EDAR: variants seen among roughly 807,000 people sequenced by gnomAD.
The protein encoded by EDAR is tumor necrosis factor receptor superfamily member EDAR.
Under a neutral mutation model 51.3 loss-of-function variants are expected in EDAR, and 38 were observed. That is an observed-to-expected ratio of 0.74 (90% CI 0.57 to 0.97). The LOEUF (loss-of-function observed/expected upper bound fraction) is 0.97. Ranked by LOEUF, EDAR falls within the 50% of genes least tolerant of loss-of-function variation. The pLI is 0.00. For missense variants in EDAR, 528 were observed against 595.0 expected (o/e 0.89, Z 1.17); for synonymous variants, 227 against 242.1 (o/e 0.94, Z 0.58).
intron 1 of EDAR, among the ~76,000 whole-genome samples, chr2:108,959,288 G>A (rs775340884): frequency 3.9e-5 from 6 of 152,190 alleles, no homozygotes; most frequent in Non-Finnish European, 7.3e-5. Context: ...TGCGATCTGG[G>A]AACTCTTACA....
intron 5 of EDAR, among the ~76,000 whole-genome samples, chr2:108,914,932 A>G (rs1183288749): frequency 1.3e-5 from 2 of 152,212 alleles, no homozygotes; most frequent in Non-Finnish European, 2.9e-5. Flanking sequence ...GTTTTGTTTG[A>G]GACAAGGTCT....
intron 5 of EDAR, among the ~76,000 whole-genome samples, chr2:108,920,101 GC>G (rs549664629): frequency 6.4e-4 from 98 of 152,330 alleles, no homozygotes; most frequent in African/African-American, 2.3e-3. Flanking sequence ...CCTTCTGTGT[GC>G]TGTCCACACC....
chr2:108,928,016 G>GC (rs1179662234), intron 4 of EDAR, among the ~76,000 whole-genome samples: 3 of 152,024 alleles, frequency 2.0e-5, no homozygotes, highest in Non-Finnish European at 4.4e-5. Flanking sequence ...CCCTCTCCCT[G>GC]CCCACAGCAT....
rs1047715256 is a variant in EDAR at position 108,912,672 on chromosome 2, C to A, written c.529+6G>T. ...CAGGTGATCGATACCTGAGCACCCTCCTCACCTTTGTGGGCGTGCTGGAAG... is the reference window on the plus strand; with the variant it reads ...CAGGTGATCGATACCTGAGCACCCTACTCACCTTTGTGGGCGTGCTGGAAG... On this transcript the variant is annotated splice_donor_region_variant and intron_variant, in intron 6 of 11. Coordinates refer to ENST00000258443, the MANE Select transcript of EDAR (RefSeq NM_022336.4). 7 of 1,583,800 alleles carry A rather than the reference C, an allele frequency of 4.4e-6. No homozygotes were observed. Among genetic ancestry groups the A allele is most frequent in the Non-Finnish European group, 6.0e-6 (7 of 1,164,648 alleles).
At chr2:108,954,735 G>C (rs541382614) in intron 1 of EDAR, among the ~76,000 whole-genome samples, 70 of 152,022 alleles carry the variant, frequency 4.6e-4, no homozygotes, top group African/African-American at 1.6e-3. Context: ...GAGTGCAATG[G>C]CGTGATCTCG....
chr2:108,934,931 G>A (rs1295995792), intron 1 of EDAR, among the ~76,000 whole-genome samples: 2 of 152,338 alleles, frequency 1.3e-5, no homozygotes, highest in East Asian at 3.9e-4. Context: ...CTTAACTTGT[G>A]GAACTAACCA....
chr2:108,979,940 C>T (rs1166178236), intron 1 of EDAR, among the ~76,000 whole-genome samples: 5 of 152,076 alleles, frequency 3.3e-5, no homozygotes, highest in East Asian at 1.9e-4. Context: ...CTCTATTATC[C>T]TGGCTGAGAT....
intron 1 of EDAR, among the ~76,000 whole-genome samples, chr2:108,980,066 C>T (rs537727717): frequency 1.3e-5 from 2 of 148,636 alleles, no homozygotes; most frequent in African/African-American, 2.5e-5. Context: ...CTTAACAGAT[C>T]GCCCATCGTC....
In EDAR at chr2:108,950,692, C is replaced by T. The variant is rs1697809916; in HGVS notation, c.-18-19660G>A. Among the ~76,000 whole-genome samples the T allele has an allele frequency of 2.0e-5, 3 of 152,256 alleles. No homozygotes were observed. The South Asian group carries it at 6.2e-4, about 31-fold the overall frequency. ...GAGCTGCCCTCAGCCTTCTCCACAT[C>T]CCTGCCCTTGCTCCCTTCATGAGTC... On this transcript the variant is annotated intron_variant, in intron 1 of 11. Transcript: ENST00000258443.
intron 5 of EDAR, among the ~76,000 whole-genome samples, chr2:108,918,956 C>T (rs907088455): frequency 2.6e-5 from 4 of 152,304 alleles, no homozygotes; most frequent in Admixed American, 6.5e-5. Flanking sequence ...TGGGCAGACT[C>T]GCAGAGACTC....
chr2:108,923,204 C>T (rs1558809929), intron 5 of EDAR, among the ~76,000 whole-genome samples, 164 bp downstream of exon 5: 1 of 152,202 alleles, frequency 6.6e-6, no homozygotes, highest in Non-Finnish European at 1.5e-5. Flanking sequence ...AACATCCCTC[C>T]CTTCATAGAC....
chr2:108,924,685 C>T (rs1697219241), intron 4 of EDAR, among the ~76,000 whole-genome samples: 1 of 152,104 alleles, frequency 6.6e-6, no homozygotes, highest in Admixed American at 6.5e-5. Flanking sequence ...AATTGCCTGC[C>T]CTCCCTCAAA....
chr2:108,916,311 G>A lies in EDAR; in HGVS notation c.443-3547C>T, dbSNP rs117984554. On this transcript the variant is annotated intron_variant, in intron 5 of 11. Transcript: ENST00000258443. ...TCTTCGCCTCTTCTTGTCCCTTCCT[G>A]TCGGGGCTCGCAGGCTGCTTCAGGT... Among the ~76,000 whole-genome samples, 70 of 152,314 alleles carry A rather than the reference G, an allele frequency of 4.6e-4. 2 individuals carry two copies. In the East Asian group the frequency reaches 0.013, roughly 28 times the overall value.
chr2:108,905,936 T>A (rs780802811), intron 11 of EDAR, among the ~76,000 whole-genome samples: 3 of 152,164 alleles, frequency 2.0e-5, no homozygotes, highest in East Asian at 1.9e-4. Flanking sequence ...AAGTCTAGGA[T>A]AAATGACTGA....
chr2:108,978,291 T>C (rs1698362726), intron 1 of EDAR, among the ~76,000 whole-genome samples: 1 of 152,210 alleles, frequency 6.6e-6, no homozygotes, highest in South Asian at 2.1e-4. Flanking sequence ...AAATACACCA[T>C]CCATGTCTAG....
chr2:108,919,681 T>C (rs1413386701), intron 5 of EDAR, among the ~76,000 whole-genome samples: 1 of 152,156 alleles, frequency 6.6e-6, no homozygotes, highest in Non-Finnish European at 1.5e-5. Flanking sequence ...TAGGGAAGGA[T>C]TTCTGCTGCC....
intron 1 of EDAR, among the ~76,000 whole-genome samples, chr2:108,934,114 A>G (rs74692638): frequency 6.6e-6 from 1 of 152,192 alleles, no homozygotes; most frequent in East Asian, 1.9e-4. Context: ...GAAAGGCGCA[A>G]TTAAAACGTT....
chr2:108,921,619 C>T (rs1168883274), intron 5 of EDAR, among the ~76,000 whole-genome samples: 1 of 152,204 alleles, frequency 6.6e-6, no homozygotes, highest in Non-Finnish European at 1.5e-5. Flanking sequence ...TTAGTGACTC[C>T]ATGGGGCTTT....
intron 1 of EDAR, among the ~76,000 whole-genome samples, chr2:108,976,688 G>A (rs564558389): frequency 6.6e-6 from 1 of 152,012 alleles, no homozygotes; most frequent in Admixed American, 6.6e-5. Context: ...TTAAACTCTG[G>A]GTTATAACCC....
Sources: allele counts gnomAD v4.1 joint callset (sites outside exome capture counted in the v4.1 genomes callset), GRCh38; gene constraint gnomAD v4.1.1; transcripts MANE v1.5; gene names NCBI Gene and HGNC (gene_info 2026-07-23, HGNC 2026-07-21).